Variants in CNTNAP2 observed in about 807,000 individuals in gnomAD.
CNTNAP2 encodes the protein contactin-associated protein-like 2.
A neutral mutation model predicts 155.2 loss-of-function variants in CNTNAP2; 98 were observed. That is an observed-to-expected ratio of 0.63 (90% confidence interval 0.54 to 0.75). The LOEUF is 0.75. CNTNAP2 is among the 30% of genes least tolerant of loss of function. CNTNAP2 has a pLI of 0.00. For missense variants in CNTNAP2, 1,727 were observed against 1,688.1 expected, an observed-to-expected ratio of 1.02 and a Z score of -0.40; for synonymous variants, 651 against 631.2, an observed-to-expected ratio of 1.03 and a Z score of -0.47.
chr7:147,256,009 G>C (rs950823535), intron 8 of CNTNAP2, among the ~76,000 whole-genome samples: 5 of 152,148 alleles, frequency 3.3e-5, no homozygotes, highest in Admixed American at 1.3e-4. Context: ...CTGAAGTGCT[G>C]GGATTACAGG....
chr7:146,959,006 A>T (rs1219181041), intron 3 of CNTNAP2, among the ~76,000 whole-genome samples: 3 of 151,192 alleles, frequency 2.0e-5, no homozygotes, highest in Admixed American at 6.6e-5. Context: ...TGACTTTTTT[A>T]TTTTATTTTA....
Position 146,300,195 on chromosome 7 carries a change from C to T in CNTNAP2, c.97+183222C>T, listed in dbSNP as rs151275847. Among the ~76,000 whole-genome samples the T allele has an allele frequency of 8.8e-3, 1,334 of 152,128 alleles. 8 individuals carry two copies. Among genetic ancestry groups the T allele is most frequent in the Non-Finnish European group, 0.013 (872 of 67,996 alleles). On this transcript the variant is annotated intron_variant, in intron 1 of 23. Coordinates refer to ENST00000361727, the MANE Select transcript of CNTNAP2 (RefSeq NM_014141.6). The stretch of plus-strand genomic sequence containing the variant: ...TAAGAACAAAGAATATATAACAATC[C>T]ACATGTAGAGTATAAAATAATAAGA...
intron 15 of CNTNAP2, among the ~76,000 whole-genome samples, chr7:148,002,649 A>G (rs1801917826): frequency 6.6e-6 from 1 of 152,192 alleles, no homozygotes; most frequent in Admixed American, 6.5e-5. Flanking sequence ...GGAGGAAAAA[A>G]TAATGTAAGA....
intron 21 of CNTNAP2, among the ~76,000 whole-genome samples, chr7:148,289,382 C>T (rs73171905): frequency 0.15 from 22,059 of 152,084 alleles, 1,727 homozygotes; most frequent in Middle Eastern, 0.22. Context: ...ACATGTCACT[C>T]GGATGGTACA....
At chr7:147,463,277 G>A (rs1798056864) in intron 10 of CNTNAP2, among the ~76,000 whole-genome samples, 1 of 152,208 alleles carries the variant, frequency 6.6e-6, no homozygotes, top group Admixed American at 6.5e-5. Flanking sequence ...GTGCATCTCT[G>A]AAGGAACTAT....
chr7:146,985,229 C>CA (rs991933470), intron 3 of CNTNAP2, among the ~76,000 whole-genome samples: 5 of 148,404 alleles, frequency 3.4e-5, no homozygotes, highest in South Asian at 4.2e-4. Flanking sequence ...TTCATTACAT[C>CA]AAAAAAAATA....
At chr7:148,061,871 A>AT (rs1803140597) in intron 15 of CNTNAP2, among the ~76,000 whole-genome samples, 3 of 130,188 alleles carry the variant, frequency 2.3e-5, no homozygotes, top group African/African-American at 8.6e-5. Flanking sequence ...ATAGATAGAT[A>AT]AACAGATATA....
intron 3 of CNTNAP2, among the ~76,000 whole-genome samples, chr7:147,016,364 G>A (rs1056546293): frequency 1.3e-5 from 2 of 152,004 alleles, no homozygotes; most frequent in Non-Finnish European, 1.5e-5. Context: ...GAATTACATG[G>A]ATTTAAGGAA....
At chr7:147,568,363 A>G (rs998758558) in intron 12 of CNTNAP2, among the ~76,000 whole-genome samples, 7 of 152,184 alleles carry the variant, frequency 4.6e-5, no homozygotes, top group East Asian at 3.9e-4. Context: ...TAGTTCTACT[A>G]TGTAATTCTT....
chr7:146,130,946 A>G (rs1797704401), intron 1 of CNTNAP2, among the ~76,000 whole-genome samples: 1 of 152,224 alleles, frequency 6.6e-6, no homozygotes, highest in Admixed American at 6.5e-5. Context: ...CCTATGATCC[A>G]GTCACCCCCA....
In CNTNAP2 at chr7:147,265,817, T is replaced by A. The variant is rs562408727; in HGVS notation, c.1349-34324T>A. ...TCCCAGAGGAAGGAGCAGGAAGCCA[T>A]CTTTGCCTCCTTAGGTGACATCTCC... is the stretch of plus-strand genomic sequence containing the variant. On this transcript the variant is annotated intron_variant, in intron 8 of 23. Transcript: ENST00000361727. Among the ~76,000 whole-genome samples the A allele has an allele frequency of 4.6e-5, 7 of 152,190 alleles. No individual in the cohort carries two copies. The South Asian group carries it at 1.5e-3, about 32-fold the overall frequency.
intron 13 of CNTNAP2, among the ~76,000 whole-genome samples, chr7:147,784,363 C>A (rs1797701088): frequency 9.0e-6 from 1 of 111,130 alleles, no homozygotes; most frequent in African/African-American, 3.4e-5. Flanking sequence ...ATCTTCATAG[C>A]CCTCTACAAA....
chr7:148,198,434 G>A (rs1359018937), intron 18 of CNTNAP2, among the ~76,000 whole-genome samples: 1 of 152,164 alleles, frequency 6.6e-6, no homozygotes, highest in African/African-American at 2.4e-5. Context: ...GCTTTTAAGG[G>A]ACTCCTTCTG....
intron 11 of CNTNAP2, among the ~76,000 whole-genome samples, chr7:147,548,397 A>G (rs1799784478): frequency 6.6e-6 from 1 of 152,218 alleles, no homozygotes; most frequent in South Asian, 2.1e-4. Context: ...GGGAGCCTAA[A>G]TGTCTTCTTT....
chr7:147,876,843 A>G (rs1799427954), intron 13 of CNTNAP2, among the ~76,000 whole-genome samples: 1 of 152,130 alleles, frequency 6.6e-6, no homozygotes, highest in Non-Finnish European at 1.5e-5. Flanking sequence ...GCTTGCAAGA[A>G]CAGGAACATT....
intron 18 of CNTNAP2, among the ~76,000 whole-genome samples, chr7:148,177,734 G>A (rs1479662325): frequency 6.6e-6 from 1 of 152,150 alleles, no homozygotes; most frequent in Non-Finnish European, 1.5e-5. Flanking sequence ...TCACATATTA[G>A]TAAGAGGCAA....
intron 1 of CNTNAP2, among the ~76,000 whole-genome samples, chr7:146,472,062 T>A (rs939660376): frequency 1.3e-5 from 2 of 152,206 alleles, no homozygotes; most frequent in Non-Finnish European, 2.9e-5. Flanking sequence ...TATAAACATT[T>A]TATGTAGCTC....
chr7:146,550,667 A>G (rs1047114658), intron 1 of CNTNAP2, among the ~76,000 whole-genome samples: 2 of 151,922 alleles, frequency 1.3e-5, no homozygotes, highest in Non-Finnish European at 2.9e-5. Flanking sequence ...GTTGATTCTA[A>G]TTAAGTATTA....
intron 1 of CNTNAP2, among the ~76,000 whole-genome samples, chr7:146,165,874 C>G (rs958719125): frequency 1.3e-5 from 2 of 152,224 alleles, no homozygotes; most frequent in East Asian, 3.9e-4. Flanking sequence ...TAGTTCCCAA[C>G]ATGTATTTTA....
Sources: gnomAD v4.1 joint callset for allele counts (sites outside exome capture counted in the v4.1 genomes callset) on GRCh38, gnomAD v4.1.1 for gene constraint, MANE v1.5 for transcripts, NCBI Gene and HGNC (gene_info 2026-07-23, HGNC 2026-07-21) for gene names.